The following FYB2 variants were observed in gnomAD, a reference collection of about 807,000 sequenced individuals.
The protein encoded by FYB2 is FYN binding protein 2, also known as FYN-binding protein 2.
In FYB2, 103 loss-of-function variants were observed where a neutral mutation model predicts 94.1. The observed-to-expected ratio is 1.09, with a 90% CI of 0.93 to 1.29. FYB2 has a LOEUF of 1.29. FYB2 is among the 50% of genes most tolerant of loss of function. The pLI is 0.00. For synonymous variants in FYB2, 293 were observed against 287.9 expected, an observed-to-expected ratio of 1.02 and a Z score of -0.18; for missense variants, 896 against 841.5, an observed-to-expected ratio of 1.06 and a Z score of -0.80.
At chr1:56,771,335 C>T (rs1368848714) in intron 4 of FYB2, among the ~76,000 whole-genome samples, 1 of 151,922 alleles carries the variant, frequency 6.6e-6, no homozygotes, top group Non-Finnish European at 1.5e-5. Flanking sequence ...AATATGAAAA[C>T]ACAGCTTCGT....
At chr1:56,726,951 T>C (rs1569858885) in intron 15 of FYB2, among the ~76,000 whole-genome samples, 1 of 64,814 alleles carries the variant, frequency 1.5e-5, no homozygotes, top group Non-Finnish European at 3.3e-5. Flanking sequence ...TTTTGTTTTG[T>C]TTTTTTTTTT....
At chr1:56,734,703 A>G (rs1471934953) in intron 15 of FYB2, among the ~76,000 whole-genome samples, 2 of 152,182 alleles carry the variant, frequency 1.3e-5, no homozygotes, top group East Asian at 1.9e-4. Flanking sequence ...TAGGAGAAAT[A>G]CTTAATGTAA....
intron 17 of FYB2, among the ~76,000 whole-genome samples, chr1:56,721,550 A>G: frequency 6.6e-6 from 1 of 151,928 alleles, no homozygotes; most frequent in East Asian, 1.9e-4. Flanking sequence ...TTCTTAAAAT[A>G]CAAATCTAAT....
intron 4 of FYB2, among the ~76,000 whole-genome samples, chr1:56,777,239 CAAAAAAAAAAAAAAA>C (rs1453236717): frequency 6.3e-4 from 3 of 4,798 alleles, no homozygotes; most frequent in Non-Finnish European, 7.8e-4. Context: ...GTCTCAAAAA[CAAAAAAAAAAAAAAA>C]AAAAAAAAAA....
rs143343923 is a variant in FYB2 at position 56,804,867 on chromosome 1, C to G, written c.10-12064G>C. Among the ~76,000 whole-genome samples the G allele has an allele frequency of 5.9e-5, 9 of 152,256 alleles. No homozygotes were observed. In the East Asian group the frequency reaches 1.5e-3, roughly 26 times the overall value. On this transcript the variant is annotated intron_variant, in intron 1 of 19. Transcript: ENST00000343433. Reference sequence around the variant, plus strand: ...CATTCCTTAGCCAAACACATAAGGTCTTCTCTGATCTTTTCCTGTCTACAG... The same window carrying G: ...CATTCCTTAGCCAAACACATAAGGTGTTCTCTGATCTTTTCCTGTCTACAG...
chr1:56,721,949 G>T (rs777427951), intron 17 of FYB2, among the ~76,000 whole-genome samples: 1 of 151,950 alleles, frequency 6.6e-6, no homozygotes, highest in Non-Finnish European at 1.5e-5. Context: ...TTTATGATTT[G>T]AGCTGGACAA....
intron 3 of FYB2, 31 bp downstream of exon 3, chr1:56,788,942 G>A: frequency 1.9e-6 from 3 of 1,613,688 alleles, no homozygotes; most frequent in Middle Eastern, 1.7e-4. Flanking sequence ...CTCCTGGTTG[G>A]CCTTGTGTAG....
chr1:56,769,556 T>C (rs1031564342), intron 4 of FYB2, among the ~76,000 whole-genome samples: 38 of 152,144 alleles, frequency 2.5e-4, no homozygotes, highest in African/African-American at 8.9e-4. Flanking sequence ...AATAATAATA[T>C]GGAAAGTAGT....
intron 15 of FYB2, 70 bp downstream of exon 15, chr1:56,737,017 T>A: frequency 8.5e-7 from 1 of 1,175,894 alleles, no homozygotes. Context: ...GGTTCTGTGA[T>A]CATAATTAAG....
At chr1:56,764,853 G>T (rs372144834) in intron 5 of FYB2, among the ~76,000 whole-genome samples, 2 of 152,044 alleles carry the variant, frequency 1.3e-5, no homozygotes, top group African/African-American at 2.4e-5. Flanking sequence ...ACAGATTCCT[G>T]GTTCATAGAC....
chr1:56,758,404 A>C (rs1204948336), intron 6 of FYB2, among the ~76,000 whole-genome samples: 1 of 152,072 alleles, frequency 6.6e-6, no homozygotes, highest in African/African-American at 2.4e-5. Flanking sequence ...CAGGATATAC[A>C]AACCTGGATT....
intron 15 of FYB2, among the ~76,000 whole-genome samples, chr1:56,735,703 C>T (rs1045429614): frequency 1.9e-4 from 29 of 152,004 alleles, no homozygotes; most frequent in African/African-American, 7.0e-4. Flanking sequence ...GGGTTCTTTC[C>T]CCTTCACTTT....
At chr1:56,728,263 G>A (rs752225046) in intron 15 of FYB2, among the ~76,000 whole-genome samples, 2 of 152,004 alleles carry the variant, frequency 1.3e-5, no homozygotes, top group Non-Finnish European at 2.9e-5. Flanking sequence ...AACGTTACCT[G>A]TCTTTCCTGT....
the FYB2 span, among the ~76,000 whole-genome samples, chr1:56,825,594 C>G: frequency 2.2e-4 from 33 of 152,250 alleles, no homozygotes; most frequent in South Asian, 1.5e-3. Flanking sequence ...AGGCACTAAA[C>G]AAACAGCTGA....
chr1:56,818,455 A>AACACACACACACACACACAC (rs3991685), intron 1 of FYB2, among the ~76,000 whole-genome samples: 1 of 139,878 alleles, frequency 7.1e-6, no homozygotes, highest in African/African-American at 2.7e-5. Context: ...GTATGGAAGC[A>AACACACACACACACACACAC]ACACACACAC....
intron 4 of FYB2, among the ~76,000 whole-genome samples, chr1:56,780,719 AT>A (rs1004088286): frequency 6.6e-5 from 10 of 151,614 alleles, no homozygotes; most frequent in South Asian, 2.1e-4. Flanking sequence ...TATAGGTGAG[AT>A]TTTTTTTTAA....
chr1:56,746,813 T>C (rs138596257), intron 9 of FYB2, among the ~76,000 whole-genome samples: 1 of 152,138 alleles, frequency 6.6e-6, no homozygotes, highest in Admixed American at 6.6e-5. Context: ...GATATATACA[T>C]AAGTACTGAA....
At chr1:56,762,647 C>A (rs1294892387) in intron 5 of FYB2, among the ~76,000 whole-genome samples, 1 of 151,966 alleles carries the variant, frequency 6.6e-6, no homozygotes, top group South Asian at 2.1e-4. Flanking sequence ...TGGTAAATTT[C>A]TTGGGAATTT....
intron 1 of FYB2, among the ~76,000 whole-genome samples, chr1:56,805,577 G>A (rs941935575): frequency 2.6e-5 from 4 of 152,134 alleles, no homozygotes; most frequent in Admixed American, 2.0e-4. Flanking sequence ...TGGGTGCTAA[G>A]CCAAGATCTG....
Sources: allele counts gnomAD v4.1 joint callset (sites outside exome capture counted in the v4.1 genomes callset), GRCh38; gene constraint gnomAD v4.1.1; transcripts MANE v1.5; gene names NCBI Gene and HGNC (gene_info 2026-07-23, HGNC 2026-07-21).